Variants in CAPN11 observed in about 807,000 individuals in gnomAD.
CAPN11 encodes the protein calpain-11.
A neutral mutation model predicts 105.3 loss-of-function variants in CAPN11; 108 were observed. The observed-to-expected ratio is 1.03, with a 90% CI of 0.88 to 1.20. The LOEUF is 1.20. CAPN11 is among the 50% of genes most tolerant of loss of function. CAPN11 has a pLI of 0.00. For synonymous variants in CAPN11, 329 were observed against 344.5 expected (o/e 0.96, Z 0.50); for missense variants, 883 against 924.8 (o/e 0.95, Z 0.59).
At chr6:44,183,360 C>A (rs897742976) in intron 21 of CAPN11, 125 bp downstream of exon 21, 24 of 675,564 alleles carry the variant, frequency 3.6e-5, no homozygotes, top group Admixed American at 9.9e-5. Flanking sequence ...GAAATGGATT[C>A]AAAGCCCAGC....
intron 14 of CAPN11, 52 bp from the exon 15 acceptor site, chr6:44,180,408 C>A: frequency 1.5e-5 from 23 of 1,514,842 alleles, no homozygotes; most frequent in Middle Eastern, 2.1e-4. Flanking sequence ...CCCACTAAAA[C>A]CCCCACCTCC....
intron 1 of CAPN11, among the ~76,000 whole-genome samples, chr6:44,161,389 G>A (rs1201786596): frequency 6.6e-6 from 1 of 152,260 alleles, no homozygotes; most frequent in Non-Finnish European, 1.5e-5. Context: ...TAGTAGAGAC[G>A]GGGTTTCACC....
chr6:44,173,200 C>A lies in CAPN11; in HGVS notation c.663-18C>A, dbSNP rs371227294. 98 of 1,613,242 alleles carry A rather than the reference C, an allele frequency of 6.1e-5. No homozygotes were observed. The highest frequency in any genetic ancestry group is 7.7e-5 in the Non-Finnish European group (91 of 1,179,478). On this transcript the variant is annotated intron_variant, in intron 6 of 22. Coordinates refer to ENST00000398776, the MANE Select transcript of CAPN11 (RefSeq NM_007058.4). ...ACCTCCATCCTAGAGCCCAACAGTGCCTTCTCTGTGCCCACAGGCTGAGTG... is the reference window on the plus strand; with the variant it reads ...ACCTCCATCCTAGAGCCCAACAGTGACTTCTCTGTGCCCACAGGCTGAGTG...
chr6:44,176,740 G>C, intron 10 of CAPN11, 85 bp downstream of exon 10: 1 of 1,571,236 alleles, frequency 6.4e-7, no homozygotes, highest in South Asian at 1.2e-5. Context: ...CTGTGCCTTG[G>C]ATGGGGAGGC....
intron 1 of CAPN11, among the ~76,000 whole-genome samples, chr6:44,165,457 C>T (rs749042640): frequency 1.3e-5 from 2 of 152,222 alleles, no homozygotes; most frequent in Non-Finnish European, 2.9e-5. Flanking sequence ...CCAGTCCTTG[C>T]TTACTGCACT....
Position 44,172,965 on chromosome 6 carries a change from A to C in CAPN11, c.554A>C (p.Asn185Thr), listed in dbSNP as rs1771278163. ...FQIWQFGQWVNVVVDDRLPTK... is the reference protein window; with the variant it reads ...FQIWQFGQWVTVVVDDRLPTK... ...ATTTGGCAGTTTGGACAGTGGGTGA[A>C]CGTGGTGGTAGATGACCGGCTGCCC... Residue 185 changes from asparagine (N) to threonine (T), a missense_variant, in exon 6 of 23, where the codon AAC becomes ACC. Asn to Thr is a moderately conservative substitution (Grantham distance 65). Coordinates refer to ENST00000398776, the MANE Select transcript of CAPN11 (RefSeq NM_007058.4). 1 of 1,613,278 alleles carries C rather than the reference A, an allele frequency of 6.2e-7. No individual in the cohort carries two copies. The highest frequency in any genetic ancestry group is 8.5e-7 in the Non-Finnish European group (1 of 1,179,662).
chr6:44,169,433 G>A lies in CAPN11; in HGVS notation c.241G>A (p.Glu81Lys), dbSNP rs201806418. ...CTGTCTAAGAAAGGGGGAGCTCTTC[G>A]AGGACCCCTTATTCCCTGCTGAACC... is the stretch of plus-strand genomic sequence containing the variant. Reference protein sequence around the residue: ...AACLRKGELFEDPLFPAEPSS... With the variant: ...AACLRKGELFKDPLFPAEPSS... The change falls in exon 3 of 23, where the codon GAG (glutamate) becomes AAG (lysine). Residue 81 changes from glutamate to lysine, a missense_variant. Glu to Lys is a moderately conservative substitution (Grantham distance 56, BLOSUM62 1). Transcript: ENST00000398776. 6.0e-5 allele frequency: 97 copies of A among 1,613,230 alleles called. No homozygotes were observed. In the African/African-American group the frequency reaches 9.9e-4, roughly 16 times the overall value.
intron 9 of CAPN11, 87 bp from the exon 10 acceptor site, chr6:44,176,494 C>G: frequency 7.3e-7 from 1 of 1,362,966 alleles, no homozygotes; most frequent in Non-Finnish European, 1.0e-6. Flanking sequence ...AGCAGGCAGA[C>G]ATTCAGGGAA....
chr6:44,172,931 T>G lies in CAPN11; in HGVS notation c.529-9T>G, dbSNP rs759377540. 1 of 1,612,872 alleles carries G rather than the reference T, an allele frequency of 6.2e-7. No individual in the cohort carries two copies. Among genetic ancestry groups the G allele is most frequent in the East Asian group, 2.2e-5 (1 of 44,856 alleles). ...TCCCACGCAAGGGGTGTGTGTTTGC[T>G]ACCCACAGATTTGGCAGTTTGGACA... On this transcript the variant is annotated splice_polypyrimidine_tract_variant and intron_variant, in intron 5 of 22. Coordinates refer to ENST00000398776, the MANE Select transcript of CAPN11 (RefSeq NM_007058.4).
rs1326213377 is a variant in CAPN11, at chr6:44,166,863, T to C, written c.88+34T>C. 5 of 1,400,156 alleles carry C rather than the reference T, an allele frequency of 3.6e-6. No homozygotes were observed. The African/African-American group carries it at 5.9e-5, about 16-fold the overall frequency. The allele number at this position is 1,400,156 out of a possible 1,614,324, so 86.7% of individuals were successfully genotyped here. On this transcript the variant is annotated intron_variant, in intron 2 of 22. Transcript: ENST00000398776. The stretch of plus-strand genomic sequence containing the variant: ...GCAGACCCGTCGTGGCTCTGTGGCC[T>C]CCCTTTTTCTTCCTCCTCCTTCACT...
chr6:44,182,472 G>A (rs7755311), intron 19 of CAPN11, among the ~76,000 whole-genome samples: 40,240 of 152,216 alleles, frequency 0.26, 5,491 homozygotes, highest in Middle Eastern at 0.35. Context: ...CAGTGCCCCC[G>A]ACAACCCATG....
chr6:44,182,261 C>A (rs1773834213), intron 19 of CAPN11, among the ~76,000 whole-genome samples: 6 of 143,452 alleles, frequency 4.2e-5, no homozygotes, highest in African/African-American at 1.6e-4. Flanking sequence ...ACCACACACA[C>A]ACACACATAC....
At position 44,176,626 on chromosome 6, in the gene CAPN11, G is replaced by A. The variant is rs759324324; in HGVS notation, c.1047G>A (p.Leu349=). The A allele has an allele frequency of 3.7e-5, 59 of 1,609,056 alleles. No individual in the cohort carries two copies. Among genetic ancestry groups the A allele is most frequent in the South Asian group, 3.1e-4 (28 of 90,400 alleles). Residue 349 remains leucine, a synonymous_variant, in exon 10 of 23, where the codon CTG becomes CTA. Coordinates refer to ENST00000398776, the MANE Select transcript of CAPN11 (RefSeq NM_007058.4). Reference sequence around the variant, plus strand: ...TGGCCTCAGACATCCAGATGCAGCTGCTGCACAAGACGGAGGACGGGGAGT... The same window carrying A: ...TGGCCTCAGACATCCAGATGCAGCTACTGCACAAGACGGAGGACGGGGAGT... The part of the protein sequence containing the change: ...EEVASDIQMQ[L]LHKTEDGEFW...
intron 2 of CAPN11, among the ~76,000 whole-genome samples, chr6:44,167,379 T>C (rs1017018014): frequency 1.3e-5 from 2 of 150,632 alleles, no homozygotes; most frequent in Non-Finnish European, 1.5e-5. Flanking sequence ...GCACCTGTAA[T>C]CCCAGCTACT....
chr6:44,163,288 C>G (rs978529157), intron 1 of CAPN11, among the ~76,000 whole-genome samples: 13 of 152,310 alleles, frequency 8.5e-5, no homozygotes, highest in African/African-American at 3.1e-4. Flanking sequence ...CAAGCCACCC[C>G]TTTTCCAACA....
intron 4 of CAPN11, among the ~76,000 whole-genome samples, chr6:44,170,571 G>A (rs528841828): frequency 6.6e-6 from 1 of 152,308 alleles, no homozygotes; most frequent in South Asian, 2.1e-4. Context: ...TAAGAGAGAG[G>A]ACAAGGAGGA....
chr6:44,161,733 G>T (rs865784747), intron 1 of CAPN11: 1 of 454,910 alleles, frequency 2.2e-6, no homozygotes, highest in African/African-American at 2.0e-5. Flanking sequence ...GCCTTGGCCT[G>T]CCCTCTGATG....
At chr6:44,166,242 G>A (rs1769825579) in intron 1 of CAPN11, among the ~76,000 whole-genome samples, 1 of 152,168 alleles carries the variant, frequency 6.6e-6, no homozygotes, top group Non-Finnish European at 1.5e-5. Flanking sequence ...GGCAGGTTCT[G>A]CCAGCCTTCA....
At chr6:44,176,025 C>A (rs953463191) in intron 7 of CAPN11, 43 bp from the exon 8 acceptor site, 4 of 1,381,294 alleles carry the variant, frequency 2.9e-6, no homozygotes, top group Non-Finnish European at 4.1e-6. Flanking sequence ...GTCCTCCATG[C>A]CCTCCATGCC....
Sources: gnomAD v4.1 joint callset for allele counts (sites outside exome capture counted in the v4.1 genomes callset) on GRCh38, gnomAD v4.1.1 for gene constraint, MANE v1.5 for transcripts, NCBI Gene and HGNC (gene_info 2026-07-23, HGNC 2026-07-21) for gene names.